Variants in BABAM2 observed in about 807,000 individuals in gnomAD.
The protein encoded by BABAM2 is BRISC and BRCA1 A complex member 2.
BABAM2 carries 31 observed loss-of-function variants against 54.7 expected under a neutral mutation model. The ratio of observed to expected loss-of-function variants is 0.57; its 90% CI spans 0.43 to 0.77. BABAM2 has a LOEUF of 0.77. Among genes scored for constraint, BABAM2 ranks in the 30% least tolerant of loss-of-function variants. The pLI is 0.00. For missense variants in BABAM2, 364 were observed against 455.8 expected (o/e 0.80, Z 1.83); for synonymous variants, 167 against 162.9 (o/e 1.03, Z -0.19).
intron 5 of BABAM2, among the ~76,000 whole-genome samples, chr2:28,032,537 A>G (rs1395585708): frequency 6.6e-6 from 1 of 152,140 alleles, no homozygotes; most frequent in Non-Finnish European, 1.5e-5. Context: ...CTAATTCTTT[A>G]CCGTTGTATT....
intron 7 of BABAM2, among the ~76,000 whole-genome samples, chr2:28,160,488 C>G (rs1672962418): frequency 1.3e-5 from 2 of 152,284 alleles, no homozygotes; most frequent in South Asian, 4.1e-4. Flanking sequence ...AGGGAGCCCC[C>G]AGAAGTGCAC....
At chr2:28,008,845 G>A (rs1674165728) in intron 4 of BABAM2, among the ~76,000 whole-genome samples, 1 of 152,106 alleles carries the variant, frequency 6.6e-6, no homozygotes, top group Non-Finnish European at 1.5e-5. Context: ...AAGCAGAAAG[G>A]AGCAAGAGTG....
intron 6 of BABAM2, among the ~76,000 whole-genome samples, chr2:28,087,368 C>T (rs969501055): frequency 6.6e-6 from 1 of 152,110 alleles, no homozygotes; most frequent in African/African-American, 2.4e-5. Context: ...GAACAAACAG[C>T]TATCCTGAAA....
chr2:28,257,561 AT>A (rs1684076083), intron 10 of BABAM2, among the ~76,000 whole-genome samples: 1 of 152,096 alleles, frequency 6.6e-6, no homozygotes, highest in Non-Finnish European at 1.5e-5. Flanking sequence ...GATGCTGAAC[AT>A]TTATTTGTTT....
chr2:28,211,731 G>T (rs925251491), intron 7 of BABAM2, among the ~76,000 whole-genome samples: 9 of 151,788 alleles, frequency 5.9e-5, no homozygotes, highest in African/African-American at 2.2e-4. Context: ...TTTGGAAGGG[G>T]TCCTATAATA....
At chr2:27,909,072 T>G (rs2148298770) in intron 2 of BABAM2, among the ~76,000 whole-genome samples, 1 of 152,254 alleles carries the variant, frequency 6.6e-6, no homozygotes, top group South Asian at 2.1e-4. Context: ...AGACAGAGTC[T>G]CACTCTGTCA....
At chr2:28,008,978 G>A (rs564405341) in intron 4 of BABAM2, among the ~76,000 whole-genome samples, 1 of 152,164 alleles carries the variant, frequency 6.6e-6, no homozygotes, top group East Asian at 1.9e-4. Flanking sequence ...AACTTCCTGG[G>A]ATACGTGTGG....
At chr2:27,897,900 A>G (rs1665469098) in intron 2 of BABAM2, among the ~76,000 whole-genome samples, 1 of 152,210 alleles carries the variant, frequency 6.6e-6, no homozygotes, top group African/African-American at 2.4e-5. Context: ...ATCAGATCTC[A>G]AGAGGGTATT....
Position 27,894,586 on chromosome 2 carries a change from A to G in BABAM2, c.30A>G (p.Ile10Met), listed in dbSNP as rs147256639. Residue 10 changes from isoleucine (I) to methionine (M), a missense_variant, in exon 2 of 12, where the codon ATA becomes ATG. Transcript: ENST00000379624. Reference protein sequence around the residue: MSPEVALNRISPMLSPFISS... With the variant: MSPEVALNRMSPMLSPFISS... ...CCCCAGAAGTGGCCTTGAACCGAAT[A>G]TCTCCAATGCTCTCCCCTTTCATAT... is the stretch of plus-strand genomic sequence containing the variant. 1.5e-5 allele frequency: 25 copies of G among 1,613,906 alleles called. No homozygotes were observed. The African/African-American group carries it at 2.9e-4, about 19-fold the overall frequency.
chr2:27,894,098 C>T lies in BABAM2; in HGVS notation c.-24-435C>T, dbSNP rs140439294. 2.4e-4 allele frequency among the ~76,000 whole-genome samples: 36 copies of T among 152,118 alleles called. No individual in the cohort carries two copies. In the East Asian group the frequency reaches 5.2e-3, roughly 22 times the overall value. On this transcript the variant is annotated intron_variant, in intron 1 of 11. Transcript: ENST00000379624. ...TTGTAGAGTTTTATACGGTATTATC[C>T]ATCAAGTTTTTACTCCTTGTGGGGA...
At chr2:28,082,983 A>G (rs978608838) in intron 6 of BABAM2, among the ~76,000 whole-genome samples, 1 of 151,762 alleles carries the variant, frequency 6.6e-6, no homozygotes, top group African/African-American at 2.4e-5. Flanking sequence ...AGACAACCTC[A>G]GTACCTGGGT....
intron 3 of BABAM2, among the ~76,000 whole-genome samples, chr2:27,938,449 T>G (rs1668643592): frequency 6.6e-6 from 1 of 152,008 alleles, no homozygotes; most frequent in Non-Finnish European, 1.5e-5. Flanking sequence ...TAGAATGCAG[T>G]GGCACGGTCT....
intron 7 of BABAM2, among the ~76,000 whole-genome samples, chr2:28,186,276 T>C (rs776265621): frequency 1.3e-5 from 2 of 152,208 alleles, no homozygotes; most frequent in Non-Finnish European, 2.9e-5. Flanking sequence ...GAACCTTCGA[T>C]ACCCATCATC....
At chr2:28,155,062 G>C (rs554072373) in intron 7 of BABAM2, among the ~76,000 whole-genome samples, 1 of 151,948 alleles carries the variant, frequency 6.6e-6, no homozygotes, top group African/African-American at 2.4e-5. Flanking sequence ...TGCAACCTAA[G>C]TAACTTAACA....
At chr2:28,327,522 T>A in intron 11 of BABAM2, 1 of 1,449,078 alleles carries the variant, frequency 6.9e-7, no homozygotes, top group Non-Finnish European at 9.2e-7. Context: ...TAGAAATGGA[T>A]CTCAGTCAGT....
At position 28,109,338 on chromosome 2, in the gene BABAM2, G is replaced by A. The variant is rs190921744; in HGVS notation, c.571-19933G>A. 2.4e-3 allele frequency among the ~76,000 whole-genome samples: 366 copies of A among 151,834 alleles called. 3 individuals carry two copies. Among genetic ancestry groups the A allele is most frequent in the Non-Finnish European group, 4.3e-3 (295 of 67,922 alleles). On this transcript the variant is annotated intron_variant, in intron 6 of 11. Transcript: ENST00000379624. ...CAAGTAGCTGGGACTACAGGCGCCC[G>A]CCACCATGCCCGGCTAATTTTTTGT...
chr2:28,192,151 C>T (rs972744615), intron 7 of BABAM2, among the ~76,000 whole-genome samples: 3 of 152,140 alleles, frequency 2.0e-5, no homozygotes, highest in African/African-American at 7.2e-5. Flanking sequence ...TCTCCTGCCT[C>T]AGCCTCCCGA....
intron 10 of BABAM2, among the ~76,000 whole-genome samples, chr2:28,260,174 G>A (rs1684367619): frequency 6.6e-6 from 1 of 151,956 alleles, no homozygotes; most frequent in African/African-American, 2.4e-5. Context: ...GAGATTACAG[G>A]CGTGAGCCAC....
intron 2 of BABAM2, among the ~76,000 whole-genome samples, chr2:27,909,052 A>AT (rs1423828481): frequency 6.0e-5 from 9 of 150,938 alleles, no homozygotes; most frequent in Non-Finnish European, 1.3e-4. Context: ...TATTGTTATT[A>AT]TTTTTTTTGA....
Sources: allele counts gnomAD v4.1 joint callset (sites outside exome capture counted in the v4.1 genomes callset), GRCh38; gene constraint gnomAD v4.1.1; transcripts MANE v1.5; gene names NCBI Gene and HGNC (gene_info 2026-07-23, HGNC 2026-07-21).